Variants in DOCK4 observed in about 807,000 individuals in gnomAD.
The protein encoded by DOCK4 is dedicator of cytokinesis protein 4.
DOCK4 carries 97 observed loss-of-function variants against 268.1 expected under a neutral mutation model. That is an observed-to-expected ratio of 0.36 (90% CI 0.31 to 0.43). The LOEUF (loss-of-function observed/expected upper bound fraction) is 0.43. Ranked by LOEUF, DOCK4 falls within the 20% of genes least tolerant of loss-of-function variation. DOCK4 has a pLI of 1.00. For synonymous variants in DOCK4, 954 were observed against 887.2 expected (o/e 1.08, Z -1.34); for missense variants, 2,145 against 2,455.7 (o/e 0.87, Z 2.67).
In DOCK4 at chr7:111,915,914, A is replaced by G. The variant is rs1225370167; in HGVS notation, c.1067-10T>C. ...AAGGAAACTGCTAAACCTAAAACAG[A>G]TGAGAGATACCCGAGTTAAAAACAG... On this transcript the variant is annotated splice_polypyrimidine_tract_variant and intron_variant, in intron 12 of 52. Coordinates refer to ENST00000428084, the MANE Select transcript of DOCK4 (RefSeq NM_001363540.2). The G allele has an allele frequency of 6.2e-7, 1 of 1,608,460 alleles. No homozygotes were observed. The highest frequency in any genetic ancestry group is 8.5e-7 in the Non-Finnish European group (1 of 1,177,602).
intron 8 of DOCK4, among the ~76,000 whole-genome samples, chr7:111,958,493 A>G (rs930912746): frequency 6.6e-6 from 1 of 152,216 alleles, no homozygotes; most frequent in Non-Finnish European, 1.5e-5. Flanking sequence ...CCCGAATCCT[A>G]GTGAAAAGAA....
At chr7:112,127,806 G>A (rs934747781) in intron 1 of DOCK4, among the ~76,000 whole-genome samples, 6 of 152,162 alleles carry the variant, frequency 3.9e-5, no homozygotes, top group Non-Finnish European at 8.8e-5. Context: ...CAAGGTGGGT[G>A]GATCATGAGG....
rs770703315 is a variant in DOCK4 at position 111,811,920 on chromosome 7, G to C, written c.2960C>G (p.Ser987Ter). Reference protein sequence around the residue: ...NVIITTVLYLSDALRKNFLNE... With the variant: ...NVIITTVLYL ...TAAGAAGTTCTTACGAAGTGCATCTGAGAGGTATAGAACTGTTGTAATAAT... is the reference window on the plus strand; with the variant it reads ...TAAGAAGTTCTTACGAAGTGCATCTCAGAGGTATAGAACTGTTGTAATAAT... The change falls in exon 28 of 53, where the codon TCA (serine) becomes TGA (stop). Residue 987 changes from serine (S) to a stop codon, truncating the protein, a stop_gained. Transcript: ENST00000428084. LOFTEE classifies it high-confidence loss of function. 7 of 1,529,000 alleles carry C rather than the reference G, an allele frequency of 4.6e-6. No individual in the cohort carries two copies. The allele number at this position is 1,529,000 out of a possible 1,614,324, so 94.7% of individuals were successfully genotyped here. A position where few individuals can be genotyped will look rare whatever the true frequency, so the allele number is the denominator to read the frequency against.
rs866230874 is a variant in DOCK4, at chr7:111,825,596, A to T, written c.2836-3140T>A. Among the ~76,000 whole-genome samples, 3 of 152,240 alleles carry T rather than the reference A, an allele frequency of 2.0e-5. No individual in the cohort carries two copies. The South Asian group carries it at 6.2e-4, about 32-fold the overall frequency. On this transcript the variant is annotated intron_variant, in intron 26 of 52. Coordinates refer to ENST00000428084, the MANE Select transcript of DOCK4 (RefSeq NM_001363540.2). ...GACAGCACAAAGAAATAAGTGCTTC[A>T]TATGCTACCATTTAAAACCTGGCAG...
At chr7:111,853,586 C>T (rs566671907) in intron 23 of DOCK4, among the ~76,000 whole-genome samples, 4 of 152,218 alleles carry the variant, frequency 2.6e-5, no homozygotes, top group African/African-American at 4.8e-5. Flanking sequence ...ACTGCAGATT[C>T]AGTGGGCTAC....
At chr7:111,869,150 T>C (rs1270711485) in intron 21 of DOCK4, among the ~76,000 whole-genome samples, 1 of 152,032 alleles carries the variant, frequency 6.6e-6, no homozygotes, top group Non-Finnish European at 1.5e-5. Flanking sequence ...AAGCCTCAGG[T>C]TTCCTCATTA....
chr7:111,913,520 C>T (rs1792313133), intron 13 of DOCK4, among the ~76,000 whole-genome samples: 1 of 151,256 alleles, frequency 6.6e-6, no homozygotes, highest in African/African-American at 2.4e-5. Flanking sequence ...CGCCATTCTC[C>T]TGCCTCAGCC....
At chr7:112,027,319 G>T (rs6952507) in intron 1 of DOCK4, among the ~76,000 whole-genome samples, 3,569 of 152,174 alleles carry the variant, frequency 0.023, 120 homozygotes, top group African/African-American at 0.08. Flanking sequence ...CCGCCTCCCG[G>T]GTTCAAGAGA....
chr7:112,102,113 C>G (rs1307167685), intron 1 of DOCK4, among the ~76,000 whole-genome samples: 2 of 152,152 alleles, frequency 1.3e-5, no homozygotes, highest in Non-Finnish European at 2.9e-5. Context: ...GATGTCTCCC[C>G]TCTCCGGCCG....
Position 111,740,105 on chromosome 7 carries a change from T to C in DOCK4, c.5041-628A>G, listed in dbSNP as rs1019968158. On this transcript the variant is annotated intron_variant, in intron 47 of 52. Coordinates refer to ENST00000428084, the MANE Select transcript of DOCK4 (RefSeq NM_001363540.2). ...ACAGACCCTCAAATCATGTCTTTTT[T>C]TCTTTTTTCTTTGAGACACAGTCTC... is the stretch of plus-strand genomic sequence containing the variant. 5 of 447,248 alleles carry C rather than the reference T, an allele frequency of 1.1e-5. No individual in the cohort carries two copies. In the Admixed American group the frequency reaches 1.2e-4, roughly 11 times the overall value. 27.7% of individuals were successfully genotyped at this position (447,248 alleles called of 1,614,324 possible). A position where few individuals can be genotyped will look rare whatever the true frequency, so the allele number is the denominator to read the frequency against.
chr7:112,044,937 C>T (rs1804709672), intron 1 of DOCK4, among the ~76,000 whole-genome samples: 4 of 152,180 alleles, frequency 2.6e-5, no homozygotes, highest in Admixed American at 2.6e-4. Flanking sequence ...TCCCTTGCTT[C>T]ATGGGGCAAT....
intron 1 of DOCK4, among the ~76,000 whole-genome samples, chr7:112,063,372 G>T (rs1806617633): frequency 6.6e-6 from 1 of 152,142 alleles, no homozygotes; most frequent in Non-Finnish European, 1.5e-5. Flanking sequence ...ATTGTAAACT[G>T]AAAATACTGT....
intron 1 of DOCK4, among the ~76,000 whole-genome samples, chr7:112,075,832 C>T (rs1382212214): frequency 6.6e-6 from 1 of 151,784 alleles, no homozygotes; most frequent in African/African-American, 2.4e-5. Flanking sequence ...TTAGCTCTTC[C>T]AGCCCAAAAG....
chr7:112,151,459 C>T (rs1034793441), intron 1 of DOCK4, among the ~76,000 whole-genome samples: 2 of 152,106 alleles, frequency 1.3e-5, no homozygotes, highest in Non-Finnish European at 2.9e-5. Context: ...CCACAGTTGT[C>T]ACACAGCTAG....
At chr7:111,871,643 AT>A (rs1332963937) in intron 20 of DOCK4, among the ~76,000 whole-genome samples, 1 of 152,228 alleles carries the variant, frequency 6.6e-6, no homozygotes, top group African/African-American at 2.4e-5. Context: ...ATGAACATTT[AT>A]AATCATCAGG....
At chr7:111,991,647 C>T (rs1395436966) in intron 5 of DOCK4, among the ~76,000 whole-genome samples, 2 of 151,996 alleles carry the variant, frequency 1.3e-5, no homozygotes, top group African/African-American at 4.8e-5. Flanking sequence ...GGTAAATTAT[C>T]ATTGATAAGA....
intron 1 of DOCK4, among the ~76,000 whole-genome samples, chr7:112,163,756 G>T (rs1467298376): frequency 1.3e-5 from 2 of 152,066 alleles, no homozygotes; most frequent in Non-Finnish European, 2.9e-5. Flanking sequence ...AATTGCCCCA[G>T]ACCCACAGCC....
At chr7:111,763,398 C>G (rs1585910354) in intron 39 of DOCK4, among the ~76,000 whole-genome samples, 1 of 152,092 alleles carries the variant, frequency 6.6e-6, no homozygotes, top group Non-Finnish European at 1.5e-5. Flanking sequence ...CCTTCTCTTT[C>G]ATTGTGAAGC....
In DOCK4 at chr7:111,760,071, C is replaced by G. The variant is rs114994398; in HGVS notation, c.4162+110G>C. The G allele has an allele frequency of 2.3e-3, 3,038 of 1,347,258 alleles. 57 individuals are homozygous for G. The African/African-American group carries it at 0.035, about 15-fold the overall frequency. The allele number at this position is 1,347,258 out of a possible 1,614,324, so 83.5% of individuals were successfully genotyped here. On this transcript the variant is annotated intron_variant, in intron 40 of 52. Transcript: ENST00000428084. ...GATGATGGGAAAGAGGGAGCAGTAA[C>G]GATGTGGCTATTGAAAAGGGACTGG...
Sources: gnomAD v4.1 joint callset for allele counts (sites outside exome capture counted in the v4.1 genomes callset) on GRCh38, gnomAD v4.1.1 for gene constraint, MANE v1.5 for transcripts, NCBI Gene and HGNC (gene_info 2026-07-23, HGNC 2026-07-21) for gene names.